SSBP2: variants seen among roughly 807,000 people sequenced by gnomAD.
The protein encoded by SSBP2 is single stranded DNA binding protein 2, also known as single-stranded DNA-binding protein 2.
A neutral mutation model predicts 61.8 loss-of-function variants in SSBP2; 17 were observed. The ratio of observed to expected loss-of-function variants is 0.28; its 90% CI spans 0.19 to 0.41. The LOEUF is 0.41. Among genes scored for constraint, SSBP2 ranks in the 10% least tolerant of loss-of-function variants. The pLI, the probability that SSBP2 is intolerant of heterozygous loss-of-function variation, is 1.00. For missense variants in SSBP2, 310 were observed against 458.7 expected (o/e 0.68, Z 2.96); for synonymous variants, 139 against 141.3 (o/e 0.98, Z 0.12).
intron 4 of SSBP2, among the ~76,000 whole-genome samples, chr5:81,561,190 G>A (rs948773835): frequency 2.0e-5 from 3 of 151,978 alleles, no homozygotes; most frequent in African/African-American, 7.2e-5. Context: ...TTTCTTTTTT[G>A]TTTTATTATG....
intron 1 of SSBP2, among the ~76,000 whole-genome samples, chr5:81,676,394 A>C (rs1001655739): frequency 2.0e-5 from 3 of 152,300 alleles, no homozygotes; most frequent in Non-Finnish European, 1.5e-5. Flanking sequence ...GTAGACCTTC[A>C]TATCTACAGG....
intron 4 of SSBP2, among the ~76,000 whole-genome samples, chr5:81,604,255 C>CTTTTT (rs1208837769): frequency 2.9e-4 from 40 of 138,468 alleles, no homozygotes; most frequent in Non-Finnish European, 4.4e-4. Context: ...CTTTTCTTTT[C>CTTTTT]TTTTTTTTTT....
chr5:81,565,947 T>C (rs1432148286), intron 4 of SSBP2, among the ~76,000 whole-genome samples: 1 of 152,172 alleles, frequency 6.6e-6, no homozygotes, highest in African/African-American at 2.4e-5. Flanking sequence ...CTTAAAAAAA[T>C]ATTCAATTCA....
At chr5:81,735,776 CAG>C (rs1222772805) in intron 1 of SSBP2, among the ~76,000 whole-genome samples, 2 of 152,150 alleles carry the variant, frequency 1.3e-5, no homozygotes, top group South Asian at 4.1e-4. Flanking sequence ...TCCCTATTGA[CAG>C]AGCAAAATAT....
chr5:81,603,604 A>T (rs1378091695), intron 4 of SSBP2, among the ~76,000 whole-genome samples: 1 of 152,214 alleles, frequency 6.6e-6, no homozygotes, highest in Non-Finnish European at 1.5e-5. Flanking sequence ...GAAAATACTG[A>T]TCAGGCTCAA....
intron 6 of SSBP2, among the ~76,000 whole-genome samples, chr5:81,478,507 AT>A (rs1158724922): frequency 6.6e-6 from 1 of 151,774 alleles, no homozygotes; most frequent in African/African-American, 2.4e-5. Context: ...TGCCCAGCTA[AT>A]TTTTGTATTT....
intron 3 of SSBP2, among the ~76,000 whole-genome samples, chr5:81,631,376 G>A (rs1561629681): frequency 6.6e-6 from 1 of 151,910 alleles, no homozygotes; most frequent in South Asian, 2.1e-4. Flanking sequence ...AGGAAACCAC[G>A]TGCATGGCAC....
At chr5:81,437,481 A>G in intron 14 of SSBP2, 23 bp from the exon 15 acceptor site, 1 of 1,593,072 alleles carries the variant, frequency 6.3e-7, no homozygotes. Context: ...ATAAAAAGAA[A>G]GCCTTTATTA....
At chr5:81,703,048 CT>C (rs1754101438) in intron 1 of SSBP2, among the ~76,000 whole-genome samples, 1 of 152,186 alleles carries the variant, frequency 6.6e-6, no homozygotes, top group African/African-American at 2.4e-5. Flanking sequence ...CTTTTTATTC[CT>C]TTTTGCCCAT....
chr5:81,507,763 T>C (rs1768291096), intron 5 of SSBP2, among the ~76,000 whole-genome samples: 1 of 152,132 alleles, frequency 6.6e-6, no homozygotes, highest in Non-Finnish European at 1.5e-5. Flanking sequence ...GCATTAATGT[T>C]CTATAAGTTA....
chr5:81,689,072 C>T (rs1034194170), intron 1 of SSBP2, among the ~76,000 whole-genome samples: 3 of 151,708 alleles, frequency 2.0e-5, no homozygotes, highest in South Asian at 2.1e-4. Context: ...AGTTGAAAAA[C>T]GCAACTGACA....
At chr5:81,618,056 A>T (rs937977261) in intron 3 of SSBP2, among the ~76,000 whole-genome samples, 3 of 116,420 alleles carry the variant, frequency 2.6e-5, no homozygotes, top group African/African-American at 8.9e-5. Context: ...AATGAGCAAA[A>T]TCACCAGCTA....
intron 1 of SSBP2, among the ~76,000 whole-genome samples, chr5:81,719,962 T>C (rs577172304): frequency 1.3e-5 from 2 of 152,178 alleles, no homozygotes; most frequent in East Asian, 3.9e-4. Flanking sequence ...GCTGGCAGTA[T>C]GGGCTCTAGA....
intron 1 of SSBP2, among the ~76,000 whole-genome samples, chr5:81,743,806 A>G (rs1353451159): frequency 1.3e-5 from 2 of 152,160 alleles, no homozygotes; most frequent in African/African-American, 4.8e-5. Flanking sequence ...TTGAGTGTGT[A>G]AGGGAGTGAT....
At chr5:81,733,233 C>T (rs1266861814) in intron 1 of SSBP2, among the ~76,000 whole-genome samples, 1 of 152,136 alleles carries the variant, frequency 6.6e-6, no homozygotes, top group Non-Finnish European at 1.5e-5. Flanking sequence ...CCAACAATCT[C>T]AGGATTCCAC....
At chr5:81,507,253 T>C (rs1768250825) in intron 5 of SSBP2, among the ~76,000 whole-genome samples, 1 of 152,202 alleles carries the variant, frequency 6.6e-6, no homozygotes, top group South Asian at 2.1e-4. Flanking sequence ...TATCAGAGTT[T>C]CATTCTACTT....
intron 5 of SSBP2, among the ~76,000 whole-genome samples, chr5:81,492,435 C>T (rs1375439008): frequency 5.3e-5 from 8 of 152,056 alleles, no homozygotes; most frequent in Non-Finnish European, 7.4e-5. Flanking sequence ...ACCCAGGAGG[C>T]GGAGGTTGCA....
At chr5:81,533,596 A>C (rs766982063) in intron 4 of SSBP2, among the ~76,000 whole-genome samples, 1 of 152,070 alleles carries the variant, frequency 6.6e-6, no homozygotes, top group South Asian at 2.1e-4. Flanking sequence ...AAAAGTAAAA[A>C]GCTGAACAAA....
intron 10 of SSBP2, among the ~76,000 whole-genome samples, chr5:81,455,775 T>A (rs74785332): frequency 6.6e-6 from 1 of 152,092 alleles, no homozygotes; most frequent in African/African-American, 2.4e-5. Context: ...AACACAGAAT[T>A]TGAAGAACTT....
Sources: allele counts gnomAD v4.1 joint callset (sites outside exome capture counted in the v4.1 genomes callset), GRCh38; gene constraint gnomAD v4.1.1; transcripts MANE v1.5; gene names NCBI Gene and HGNC (gene_info 2026-07-23, HGNC 2026-07-21).